BCAS3: variants seen among roughly 807,000 people sequenced by gnomAD.
BCAS3 encodes the protein BCAS4/BCAS3 fusion.
BCAS3 carries 53 observed loss-of-function variants against 116.1 expected under a neutral mutation model. That is an observed-to-expected ratio of 0.46 (90% CI 0.37 to 0.57). The LOEUF (loss-of-function observed/expected upper bound fraction) is 0.57. Ranked by LOEUF, BCAS3 falls within the 20% of genes least tolerant of loss-of-function variation. The pLI is 0.00. For missense variants in BCAS3, 917 were observed against 1,165.4 expected, an observed-to-expected ratio of 0.79 and a Z score of 3.10; for synonymous variants, 391 against 408.2, an observed-to-expected ratio of 0.96 and a Z score of 0.51.
rs1050277751 is a variant in BCAS3 at position 61,243,767 on chromosome 17, A to G, written c.2426-124560A>G. ...GAAAATAATAACTTATAACTATTTT[A>G]TGTAGTTGAGGGATGAGTGTTTTGG... On this transcript the variant is annotated intron_variant, in intron 22 of 23. Transcript: ENST00000407086. The surrounding 1 kb of genome is among the most constrained non-coding windows in gnomAD (Gnocchi z 5.6). Among the ~76,000 whole-genome samples the G allele has an allele frequency of 6.6e-6, 1 of 152,208 alleles. No individual in the cohort carries two copies. The highest frequency in any genetic ancestry group is 6.5e-5 in the Admixed American group (1 of 15,278).
intron 6 of BCAS3, among the ~76,000 whole-genome samples, chr17:60,803,796 A>ATTTTTT (rs11384999): frequency 2.8e-4 from 25 of 89,328 alleles, no homozygotes; most frequent in East Asian, 1.0e-3. Context: ...AACTATTACG[A>ATTTTTT]TTTTTTTTTT....
Position 61,059,063 on chromosome 17 carries a change from CTTTTTTTTTTTTTTTTTT to C in BCAS3, c.2030-15837_2030-15820del, listed in dbSNP as rs869090870. Among the ~76,000 whole-genome samples the C allele has an allele frequency of 4.1e-3, 135 of 32,802 alleles. 1 individual carries two copies. The highest frequency in any genetic ancestry group is 8.0e-3 in the African/African-American group (81 of 10,188). 21.5% of individuals were successfully genotyped at this position (32,802 alleles called of 152,430 possible). A position where few individuals can be genotyped will look rare whatever the true frequency, so the allele number is the denominator to read the frequency against. ...TCCCCGAACTCTTTTTTCTCCCCAT[CTTTTTTTTTTTTTTTTTT>C]TTTTTTTTTTTTTTTTTTTGAGACA... On this transcript the variant is annotated intron_variant, in intron 19 of 23. Coordinates refer to ENST00000407086, the MANE Select transcript of BCAS3 (RefSeq NM_017679.5).
intron 20 of BCAS3, among the ~76,000 whole-genome samples, chr17:61,075,720 T>C (rs973614739): frequency 1.3e-5 from 2 of 152,208 alleles, no homozygotes; most frequent in Non-Finnish European, 1.5e-5. Flanking sequence ...CTTTGGGATT[T>C]GTTTTGTGGA....
At chr17:61,078,688 G>C (rs75905068) in intron 21 of BCAS3, among the ~76,000 whole-genome samples, 159 bp downstream of exon 21, 31 of 152,310 alleles carry the variant, frequency 2.0e-4, no homozygotes, top group Non-Finnish European at 2.2e-4. Context: ...ACTTGAGATG[G>C]TATATAGGGT....
chr17:60,754,680 TACAC>T lies in BCAS3; in HGVS notation c.403+7459_403+7462del, dbSNP rs772900751. Among the ~76,000 whole-genome samples the T allele has an allele frequency of 4.6e-3, 664 of 145,370 alleles. 9 individuals carry two copies. Among genetic ancestry groups the T allele is most frequent in the African/African-American group, 0.017 (622 of 36,840 alleles). ...AGAAATGCAGATGTAAAATTTAAAA[TACAC>T]ACACACACACACACACACACACACA... On this transcript the variant is annotated intron_variant, in intron 6 of 23. Coordinates refer to ENST00000407086, the MANE Select transcript of BCAS3 (RefSeq NM_017679.5).
intron 14 of BCAS3, among the ~76,000 whole-genome samples, chr17:60,954,938 C>G (rs757254329): frequency 2.0e-5 from 3 of 152,008 alleles, no homozygotes; most frequent in Admixed American, 1.3e-4. Flanking sequence ...ATTTTTCATT[C>G]ATGCAATATT....
Position 61,307,949 on chromosome 17 carries a change from T to C in BCAS3, c.2426-60378T>C, listed in dbSNP as rs371607097. Among the ~76,000 whole-genome samples, 4 of 152,284 alleles carry C rather than the reference T, an allele frequency of 2.6e-5. No individual in the cohort carries two copies. In the East Asian group the frequency reaches 7.7e-4, roughly 29 times the overall value. On this transcript the variant is annotated intron_variant, in intron 22 of 23. Coordinates refer to ENST00000407086, the MANE Select transcript of BCAS3 (RefSeq NM_017679.5). This position sits in a 1 kb window ranked among gnomAD's most constrained non-coding sequence, Gnocchi z 4.7. Reference sequence around the variant, plus strand: ...CCTTGACAATGTGGAGACTCAAGATTTTCCAAGCACTCATTAAATTGAGCA... The same window carrying C: ...CCTTGACAATGTGGAGACTCAAGATCTTCCAAGCACTCATTAAATTGAGCA...
chr17:61,048,494 G>C (rs1486586846), intron 19 of BCAS3, among the ~76,000 whole-genome samples: 2 of 152,132 alleles, frequency 1.3e-5, no homozygotes, highest in Admixed American at 6.5e-5. Context: ...AGAGCTGAGA[G>C]TCCAGTAAGA....
Position 61,233,618 on chromosome 17 carries a change from GTC to G in BCAS3, c.2426-134705_2426-134704del, listed in dbSNP as rs1325024376. Among the ~76,000 whole-genome samples, 2 of 152,162 alleles carry G rather than the reference GTC, an allele frequency of 1.3e-5. No individual in the cohort carries two copies. The highest frequency in any genetic ancestry group is 4.8e-5 in the African/African-American group (2 of 41,442). ...GGAGAGGTATTTTTGCCTTAACCCT[GTC>G]TCTGATTCACTGAGGGACCTTGGAT... is the stretch of plus-strand genomic sequence containing the variant. On this transcript the variant is annotated intron_variant, in intron 22 of 23. Coordinates refer to ENST00000407086, the MANE Select transcript of BCAS3 (RefSeq NM_017679.5). This position sits in a 1 kb window ranked among gnomAD's most constrained non-coding sequence, Gnocchi z 4.3.
intron 22 of BCAS3, among the ~76,000 whole-genome samples, chr17:61,201,845 G>C (rs1462738957): frequency 1.3e-4 from 19 of 149,364 alleles, no homozygotes; most frequent in African/African-American, 4.7e-4. Flanking sequence ...TGCAACCTCC[G>C]CCTCCCGGGT....
rs1441836744 is a variant in BCAS3, at chr17:61,326,773, T to G, written c.2426-41554T>G. 6.6e-6 allele frequency among the ~76,000 whole-genome samples: 1 copy of G among 152,122 alleles called. No individual in the cohort carries two copies. The highest frequency in any genetic ancestry group is 2.4e-5 in the African/African-American group (1 of 41,424). ...GGATTTGAAGATGTTAAATCTACAGTCAGATCTATGGGTCTTCAGCACAGA... is the reference window on the plus strand; with the variant it reads ...GGATTTGAAGATGTTAAATCTACAGGCAGATCTATGGGTCTTCAGCACAGA... On this transcript the variant is annotated intron_variant, in intron 22 of 23. Coordinates refer to ENST00000407086, the MANE Select transcript of BCAS3 (RefSeq NM_017679.5). This position sits in a 1 kb window ranked among gnomAD's most constrained non-coding sequence, Gnocchi z 5.3.
intron 8 of BCAS3, among the ~76,000 whole-genome samples, chr17:60,868,884 T>C (rs527267658): frequency 9.2e-5 from 14 of 152,328 alleles, no homozygotes; most frequent in Admixed American, 8.5e-4. Context: ...CATTAGGGAA[T>C]TGTGAATTCA....
At chr17:60,988,338 C>CTTTTTTTTTTTTTTTTTTTTTTTTTTTT (rs71148317) in intron 14 of BCAS3, among the ~76,000 whole-genome samples, 3 of 66,762 alleles carry the variant, frequency 4.5e-5, no homozygotes, top group South Asian at 8.4e-4. Flanking sequence ...TTTTCTTTTT[C>CTTTTTTTTTTTTTTTTTTTTTTTTTTTT]TTTTTTTTTT....
At chr17:61,345,930 C>A (rs2057477933) in intron 22 of BCAS3, among the ~76,000 whole-genome samples, 1 of 152,128 alleles carries the variant, frequency 6.6e-6, no homozygotes, top group Non-Finnish European at 1.5e-5. Context: ...GCTTAAAATC[C>A]TAGAAGGGCC....
intron 14 of BCAS3, among the ~76,000 whole-genome samples, chr17:60,955,386 A>ATTTTTTTT (rs1016334366): frequency 7.0e-5 from 9 of 128,088 alleles, no homozygotes; most frequent in African/African-American, 3.2e-4. Context: ...GGGAAACTGA[A>ATTTTTTTT]TTTTTTTTTT....
At chr17:61,016,045 C>G (rs1249326876) in intron 16 of BCAS3, 144 bp downstream of exon 16, 1 of 876,522 alleles carries the variant, frequency 1.1e-6, no homozygotes, top group Non-Finnish European at 1.7e-6. Context: ...AGATTAAGTA[C>G]AAAGCATAGA....
chr17:61,009,974 T>G (rs1201540852), intron 15 of BCAS3, among the ~76,000 whole-genome samples: 1 of 152,100 alleles, frequency 6.6e-6, no homozygotes, highest in Non-Finnish European at 1.5e-5. Context: ...GAAAGTTTAT[T>G]TTCCTTGTAG....
At position 61,130,893 on chromosome 17, in the gene BCAS3, T is replaced by C. The variant is rs1425147268; in HGVS notation, c.2425+46329T>C. On this transcript the variant is annotated intron_variant, in intron 22 of 23. Transcript: ENST00000407086. This position sits in a 1 kb window ranked among gnomAD's most constrained non-coding sequence, Gnocchi z 5.0. The stretch of plus-strand genomic sequence containing the variant: ...CCAACATGCAAAACCCCGTCTCTGC[T>C]AAAGATATAAAAATTAGCCTGGCCT... 1 of 152,166 alleles carries C rather than the reference T, an allele frequency of 6.6e-6. No homozygotes were observed. Among genetic ancestry groups the C allele is most frequent in the African/African-American group, 2.4e-5 (1 of 41,438 alleles). The allele number at this position is 152,166 out of a possible 1,614,324, so 9.4% of individuals were successfully genotyped here.
chr17:61,267,537 A>G (rs2049840374), intron 22 of BCAS3, among the ~76,000 whole-genome samples: 1 of 151,044 alleles, frequency 6.6e-6, no homozygotes, highest in Admixed American at 6.6e-5. Flanking sequence ...CAGGAGTTCG[A>G]GACCAGCCTG....
Sources: allele counts gnomAD v4.1 joint callset (sites outside exome capture counted in the v4.1 genomes callset), GRCh38; gene constraint gnomAD v4.1.1; non-coding constraint Gnocchi (gnomAD v3.1); transcripts MANE v1.5; gene names NCBI Gene and HGNC (gene_info 2026-07-23, HGNC 2026-07-21).